Variants in TRAF3 observed in about 807,000 individuals in gnomAD.
TRAF3 encodes TNF receptor-associated factor 3.
Under a neutral mutation model 62.3 loss-of-function variants are expected in TRAF3, and 13 were observed. That is an observed-to-expected ratio of 0.21 (90% CI 0.14 to 0.33). The LOEUF (loss-of-function observed/expected upper bound fraction) is 0.33. Among genes scored for constraint, TRAF3 ranks in the 10% least tolerant of loss-of-function variants. The pLI is 1.00. For missense variants in TRAF3, 440 were observed against 741.8 expected (o/e 0.59, Z 4.73); for synonymous variants, 269 against 283.4 (o/e 0.95, Z 0.51).
chr14:102,777,960 A>G (rs1372971155), intron 1 of TRAF3, among the ~76,000 whole-genome samples: 5 of 149,886 alleles, frequency 3.3e-5, no homozygotes, highest in African/African-American at 1.2e-4. Context: ...GGGCGCCCGC[A>G]CCTTTTCAGG....
chr14:102,789,398 C>T (rs1430888985), intron 1 of TRAF3, among the ~76,000 whole-genome samples: 3 of 152,172 alleles, frequency 2.0e-5, no homozygotes, highest in Admixed American at 6.5e-5. Context: ...GCTGGTCATA[C>T]GGTAATATCG....
At chr14:102,876,177 A>G (rs375839340) in intron 5 of TRAF3, among the ~76,000 whole-genome samples, 181 bp from the exon 6 acceptor site, 7 of 152,234 alleles carry the variant, frequency 4.6e-5, no homozygotes, top group Non-Finnish European at 8.8e-5. Flanking sequence ...TTGAGTAATC[A>G]TGAAATAGAA....
chr14:102,811,550 GTTTTTT>G (rs35064640), intron 1 of TRAF3, among the ~76,000 whole-genome samples: 5 of 79,488 alleles, frequency 6.3e-5, no homozygotes, highest in Non-Finnish European at 9.3e-5. Flanking sequence ...GCTGTAGGCG[GTTTTTT>G]TTTTTTTTTT....
chr14:102,834,487 A>G (rs1463467132), intron 2 of TRAF3, among the ~76,000 whole-genome samples: 1 of 151,892 alleles, frequency 6.6e-6, no homozygotes. Context: ...TCATGAGGTC[A>G]GGAGATCGAG....
rs1356963098 is a variant in TRAF3, at chr14:102,889,781, C to A, written c.726+147C>A. On this transcript the variant is annotated intron_variant, in intron 8 of 11. Transcript: ENST00000392745. ...CCTGTTGCATGGGTGACGAAAGCCACATGCAGCAGGTGGGATGCTCGCTTT... is the reference window on the plus strand; with the variant it reads ...CCTGTTGCATGGGTGACGAAAGCCAAATGCAGCAGGTGGGATGCTCGCTTT... 1.0e-5 allele frequency: 10 copies of A among 962,842 alleles called. No individual in the cohort carries two copies. In the East Asian group the frequency reaches 2.3e-4, roughly 22 times the overall value. 59.6% of individuals were successfully genotyped at this position (962,842 alleles called of 1,614,324 possible).
At chr14:102,883,851 G>T (rs1889209571) in intron 6 of TRAF3, among the ~76,000 whole-genome samples, 1 of 152,162 alleles carries the variant, frequency 6.6e-6, no homozygotes, top group Non-Finnish European at 1.5e-5. Context: ...CTCCCAAAGT[G>T]CTGGGCTTCC....
In TRAF3 at chr14:102,828,956, G is replaced by C. The variant is rs571673617; in HGVS notation, c.-156-1378G>C. 2.6e-5 allele frequency among the ~76,000 whole-genome samples: 4 copies of C among 152,330 alleles called. 1 individual carries two copies. The South Asian group carries it at 6.2e-4, about 24-fold the overall frequency. On this transcript the variant is annotated intron_variant, in intron 1 of 11. Transcript: ENST00000392745. ...TCTTAAAAAATCTCAGCCACTGGCT[G>C]TAGATGATGAATTCTAATCTCCTTA... is the stretch of plus-strand genomic sequence containing the variant.
intron 10 of TRAF3, among the ~76,000 whole-genome samples, chr14:102,898,327 A>G (rs1890104953): frequency 6.6e-6 from 1 of 152,270 alleles, no homozygotes; most frequent in African/African-American, 2.4e-5. Flanking sequence ...AGATTGTATT[A>G]GAAAAGGCAC....
chr14:102,872,027 C>T (rs1888371060), intron 4 of TRAF3, 59 bp downstream of exon 4: 3 of 1,572,306 alleles, frequency 1.9e-6, no homozygotes, highest in Non-Finnish European at 1.8e-6. Context: ...TAATACTTTT[C>T]ACATAGTTTG....
intron 2 of TRAF3, among the ~76,000 whole-genome samples, chr14:102,835,200 A>G (rs985718074): frequency 6.6e-6 from 1 of 152,262 alleles, no homozygotes; most frequent in African/African-American, 2.4e-5. Context: ...AACCACAGTG[A>G]GATAGCATCT....
intron 6 of TRAF3, among the ~76,000 whole-genome samples, chr14:102,884,608 G>C (rs193288836): frequency 6.6e-6 from 1 of 151,992 alleles, no homozygotes; most frequent in African/African-American, 2.4e-5. Context: ...TCAGGAGTTC[G>C]AGACCAGCCT....
chr14:102,791,236 G>A (rs1897776914), intron 1 of TRAF3, among the ~76,000 whole-genome samples: 1 of 151,980 alleles, frequency 6.6e-6, no homozygotes, highest in African/African-American at 2.4e-5. Context: ...AGCCAGGATG[G>A]TTTCAATCTC....
chr14:102,846,678 C>T (rs1329183519), intron 2 of TRAF3, among the ~76,000 whole-genome samples: 1 of 147,332 alleles, frequency 6.8e-6, no homozygotes, highest in Non-Finnish European at 1.5e-5. Context: ...TTTCCGGACA[C>T]GGTGGCATCC....
intron 7 of TRAF3, among the ~76,000 whole-genome samples, chr14:102,886,843 G>A (rs1024829537): frequency 6.6e-6 from 1 of 152,220 alleles, no homozygotes. Context: ...TTTACATACA[G>A]TACAAGCAAA....
At chr14:102,794,242 A>G (rs1897953093) in intron 1 of TRAF3, among the ~76,000 whole-genome samples, 1 of 152,088 alleles carries the variant, frequency 6.6e-6, no homozygotes, top group African/African-American at 2.4e-5. Flanking sequence ...TGGTACCATC[A>G]TAGCTCACTG....
intron 9 of TRAF3, among the ~76,000 whole-genome samples, chr14:102,894,821 C>T (rs1379636491): frequency 6.6e-6 from 1 of 152,122 alleles, no homozygotes; most frequent in Non-Finnish European, 1.5e-5. Flanking sequence ...ATCCAGCCTC[C>T]CCAGTAGCTG....
At chr14:102,873,189 G>A (rs1387707636) in intron 4 of TRAF3, among the ~76,000 whole-genome samples, 1 of 152,214 alleles carries the variant, frequency 6.6e-6, no homozygotes, top group African/African-American at 2.4e-5. Flanking sequence ...TTTGAGGATT[G>A]CTGGTAGTCA....
intron 1 of TRAF3, among the ~76,000 whole-genome samples, chr14:102,792,842 CT>C (rs900259542): frequency 4.1e-5 from 6 of 146,756 alleles, no homozygotes; most frequent in South Asian, 2.2e-4. Flanking sequence ...CTGTAGTTTT[CT>C]TTTTTTTTTC....
chr14:102,827,942 C>T (rs1477458096), intron 1 of TRAF3, among the ~76,000 whole-genome samples: 1 of 152,182 alleles, frequency 6.6e-6, no homozygotes, highest in Non-Finnish European at 1.5e-5. Flanking sequence ...TCCCAGGAGC[C>T]CCTCAGCAGG....
Sources: gnomAD v4.1 joint callset for allele counts (sites outside exome capture counted in the v4.1 genomes callset) on GRCh38, gnomAD v4.1.1 for gene constraint, MANE v1.5 for transcripts, NCBI Gene and HGNC (gene_info 2026-07-23, HGNC 2026-07-21) for gene names.